Variants in IGF1R observed in about 807,000 individuals in gnomAD.
IGF1R encodes the protein insulin like growth factor 1 receptor.
A neutral mutation model predicts 144.6 loss-of-function variants in IGF1R; 44 were observed. That is an observed-to-expected ratio of 0.30 (90% CI 0.24 to 0.39). The LOEUF (loss-of-function observed/expected upper bound fraction) is 0.39, where lower values mean the gene tolerates loss of function less well. Among genes scored for constraint, IGF1R ranks in the 10% least tolerant of loss-of-function variants. The probability of loss-of-function intolerance (pLI) is 1.00; values close to 1 mark genes in which losing one functional copy is unlikely to be tolerated. For synonymous variants in IGF1R, 795 were observed against 722.8 expected, an observed-to-expected ratio of 1.10 and a Z score of -1.60; for missense variants, 1,355 against 1,833.7, an observed-to-expected ratio of 0.74 and a Z score of 4.77.
In IGF1R at chr15:98,649,692, C is replaced by T. The variant is rs1457429860; in HGVS notation, c.94+17C>T. The T allele has an allele frequency of 2.5e-6, 4 of 1,588,402 alleles. No individual in the cohort carries two copies. The highest frequency in any genetic ancestry group is 3.5e-6 in the Non-Finnish European group (4 of 1,159,104). On this transcript the variant is annotated intron_variant, in intron 1 of 20. Transcript: ENST00000650285. ...GTGGAGAAAGTGAGTATGTGCCCGCCGCCCGCGGCCACTGCGGGAACTTTT... is the reference window on the plus strand; with the variant it reads ...GTGGAGAAAGTGAGTATGTGCCCGCTGCCCGCGGCCACTGCGGGAACTTTT...
chr15:98,739,796 TG>T (rs1416178790), intron 2 of IGF1R, among the ~76,000 whole-genome samples: 3 of 152,228 alleles, frequency 2.0e-5, no homozygotes, highest in Admixed American at 2.0e-4. Context: ...TTCACCATGT[TG>T]CCCAGGCTGT....
In IGF1R at chr15:98,908,863, G is replaced by A; in HGVS notation, c.1426G>A (p.Asp476Asn). ...TGTKGRQSKG[D>N]INTRNNGERA... Reference sequence around the variant, plus strand: ...GACTAAAGGGCGCCAAAGCAAAGGGGACATAAACACCAGGAACAACGGGGA... The same window carrying A: ...GACTAAAGGGCGCCAAAGCAAAGGGAACATAAACACCAGGAACAACGGGGA... Residue 476 changes from aspartate to asparagine, a missense_variant, in exon 6 of 21, where the codon GAC (aspartate) becomes AAC (asparagine). Coordinates refer to ENST00000650285, the MANE Select transcript of IGF1R (RefSeq NM_000875.5). 1 of 1,614,062 alleles carries A rather than the reference G, an allele frequency of 6.2e-7. No individual in the cohort carries two copies. The highest frequency in any genetic ancestry group is 8.5e-7 in the Non-Finnish European group (1 of 1,179,968).
At chr15:98,952,629 A>G (rs2016823605) in intron 20 of IGF1R, among the ~76,000 whole-genome samples, 1 of 152,076 alleles carries the variant, frequency 6.6e-6, no homozygotes, top group Admixed American at 6.5e-5. Context: ...GACTCGGGTA[A>G]ACGTTTATCT....
At chr15:98,776,592 CT>C (rs1458105388) in intron 2 of IGF1R, among the ~76,000 whole-genome samples, 1 of 152,194 alleles carries the variant, frequency 6.6e-6, no homozygotes, top group Non-Finnish European at 1.5e-5. Context: ...CTCCTTCCCC[CT>C]ACCTCCCTGT....
chr15:98,906,248 C>T (rs999977282), intron 5 of IGF1R, among the ~76,000 whole-genome samples: 5 of 152,164 alleles, frequency 3.3e-5, no homozygotes, highest in African/African-American at 4.8e-5. Flanking sequence ...GGTGTGGTTC[C>T]GTTCCCTGCT....
In IGF1R at chr15:98,828,739, G is replaced by A. The variant is rs552429099; in HGVS notation, c.641-62586G>A. Reference sequence around the variant, plus strand: ...GGAATCCTGAAACGAATATTTTTCTGATACATATTTATCCTAATATATTTG... The same window carrying A: ...GGAATCCTGAAACGAATATTTTTCTAATACATATTTATCCTAATATATTTG... On this transcript the variant is annotated intron_variant, in intron 2 of 20. Coordinates refer to ENST00000650285, the MANE Select transcript of IGF1R (RefSeq NM_000875.5). Among the ~76,000 whole-genome samples, 8 of 147,082 alleles carry A rather than the reference G, an allele frequency of 5.4e-5. No individual in the cohort carries two copies. In the South Asian group the frequency reaches 1.7e-3, roughly 31 times the overall value.
chr15:98,751,615 C>CT (rs1302893426), intron 2 of IGF1R, among the ~76,000 whole-genome samples: 1 of 152,158 alleles, frequency 6.6e-6, no homozygotes, highest in Admixed American at 6.6e-5. Flanking sequence ...CTCTGTTGTA[C>CT]TACTTAATCT....
intron 2 of IGF1R, among the ~76,000 whole-genome samples, chr15:98,776,205 G>A (rs990988133): frequency 1.3e-4 from 19 of 148,934 alleles, no homozygotes; most frequent in Non-Finnish European, 2.2e-4. Flanking sequence ...TTTTTTTTGA[G>A]ATGGAGTCTT....
At chr15:98,846,794 A>G (rs2011345998) in intron 2 of IGF1R, among the ~76,000 whole-genome samples, 1 of 152,250 alleles carries the variant, frequency 6.6e-6, no homozygotes, top group Non-Finnish European at 1.5e-5. Flanking sequence ...TAATGTTAAC[A>G]GCTTAAAGAA....
At chr15:98,729,076 A>G (rs1354918176) in intron 2 of IGF1R, among the ~76,000 whole-genome samples, 3 of 152,262 alleles carry the variant, frequency 2.0e-5, no homozygotes, top group African/African-American at 7.2e-5. Flanking sequence ...TTAAATTCCC[A>G]TAGGACTCAC....
At chr15:98,757,560 A>AT (rs1567113547) in intron 2 of IGF1R, among the ~76,000 whole-genome samples, 1 of 151,598 alleles carries the variant, frequency 6.6e-6, no homozygotes, top group Non-Finnish European at 1.5e-5. Context: ...TAATTTTTTT[A>AT]TTTTTCAGGG....
chr15:98,776,124 G>A (rs1183682399), intron 2 of IGF1R, among the ~76,000 whole-genome samples: 2 of 151,942 alleles, frequency 1.3e-5, no homozygotes, highest in Non-Finnish European at 2.9e-5. Context: ...CGAAGGGAGG[G>A]TGGAAGGGGC....
chr15:98,654,482 C>T (rs904015150), intron 1 of IGF1R, among the ~76,000 whole-genome samples: 2 of 152,104 alleles, frequency 1.3e-5, no homozygotes, highest in African/African-American at 4.8e-5. Context: ...AATTTCAGGG[C>T]ATTTTATAAT....
intron 15 of IGF1R, among the ~76,000 whole-genome samples, chr15:98,933,153 C>A (rs185090996): frequency 6.6e-6 from 1 of 152,220 alleles, no homozygotes; most frequent in Non-Finnish European, 1.5e-5. Context: ...GACATTAGCA[C>A]ACAGCGTCAG....
At chr15:98,734,193 C>T (rs186102558) in intron 2 of IGF1R, among the ~76,000 whole-genome samples, 283 of 152,268 alleles carry the variant, frequency 1.9e-3, no homozygotes, top group Middle Eastern at 3.4e-3. Context: ...ATGGGAAGAT[C>T]GCTCAGGCTT....
intron 2 of IGF1R, among the ~76,000 whole-genome samples, chr15:98,834,712 G>A (rs2057062215): frequency 6.6e-6 from 1 of 152,188 alleles, no homozygotes; most frequent in Admixed American, 6.5e-5. Flanking sequence ...GTCCTGGATG[G>A]TTCAGTAGGC....
chr15:98,952,775 G>A (rs753851185), intron 20 of IGF1R: 2 of 152,184 alleles, frequency 1.3e-5, no homozygotes, highest in Non-Finnish European at 2.9e-5. Flanking sequence ...GAGTGACAAG[G>A]AAATTTACTC....
rs556550797 is a variant in IGF1R at position 98,825,673 on chromosome 15, T to A, written c.641-65652T>A. ...GAAAAATTGTCTTCTACGGAACCGA[T>A]CCCTGGTGCCAAAAAGGTTGGGGAC... On this transcript the variant is annotated intron_variant, in intron 2 of 20. Transcript: ENST00000650285. 7.9e-5 allele frequency among the ~76,000 whole-genome samples: 12 copies of A among 152,304 alleles called. No individual in the cohort carries two copies. In the East Asian group the frequency reaches 2.3e-3, roughly 29 times the overall value.
In IGF1R at chr15:98,899,384, C is replaced by T. The variant is rs565586093; in HGVS notation, c.1103-93C>T. 9.3e-4 allele frequency: 1,205 copies of T among 1,302,130 alleles called. 6 individuals are homozygous for T. Among genetic ancestry groups the T allele is most frequent in the Middle Eastern group, 7.5e-3 (30 of 4,012 alleles). The allele number at this position is 1,302,130 out of a possible 1,614,324, so 80.7% of individuals were successfully genotyped here. The stretch of plus-strand genomic sequence containing the variant: ...TGGGAGCATCTCAGGGGGCACCTGC[C>T]GTTGAATTGTTCTCACTTGTGTTTG... On this transcript the variant is annotated intron_variant, in intron 4 of 20. Transcript: ENST00000650285.
Sources: gnomAD v4.1 joint callset for allele counts (sites outside exome capture counted in the v4.1 genomes callset) on GRCh38, gnomAD v4.1.1 for gene constraint, MANE v1.5 for transcripts, NCBI Gene and HGNC (gene_info 2026-07-23, HGNC 2026-07-21) for gene names.